LSM1: variants seen among roughly 807,000 people sequenced by gnomAD.
LSM1 encodes LSM1 homolog, mRNA degradation associated.
A neutral mutation model predicts 18.0 loss-of-function variants in LSM1; 13 were observed. The observed-to-expected ratio is 0.72, with a 90% CI of 0.47 to 1.15. The LOEUF (loss-of-function observed/expected upper bound fraction) is 1.15. LSM1 is among the 50% of genes most tolerant of loss of function. The probability of loss-of-function intolerance (pLI) is 0.00; values close to 1 mark genes in which losing one functional copy is unlikely to be tolerated. For synonymous variants in LSM1, 46 were observed against 56.0 expected, an observed-to-expected ratio of 0.82 and a Z score of 0.80; for missense variants, 152 against 157.7, an observed-to-expected ratio of 0.96 and a Z score of 0.19.
chr8:38,164,275 G>A (rs1162332356), intron 3 of LSM1, among the ~76,000 whole-genome samples: 2 of 152,058 alleles, frequency 1.3e-5, no homozygotes, highest in African/African-American at 4.8e-5. Flanking sequence ...GGCTGGTCTC[G>A]AAACCTGACC....
chr8:38,163,738 A>G lies in LSM1; in HGVS notation c.334T>C (p.Leu112=). 6.2e-7 allele frequency: 1 copy of G among 1,614,172 alleles called. No individual in the cohort carries two copies. The highest frequency in any genetic ancestry group is 2.2e-5 in the East Asian group (1 of 44,890). The part of the protein sequence containing the change: ...EQQTKLEAEK[L]KVQALKDRGL... ...CGGTCCTTCAGGGCCTGCACTTTCA[A>G]CTTCTCTGCTTCCAGCTTGGTCTGC... Residue 112 remains leucine (L), a synonymous_variant, in exon 4 of 4, where the codon TTG becomes CTG. Coordinates refer to ENST00000311351, the MANE Select transcript of LSM1 (RefSeq NM_014462.3).
chr8:38,163,979 G>A (rs1802884559), intron 3 of LSM1, 139 bp from the exon 4 acceptor site: 1 of 734,810 alleles, frequency 1.4e-6, no homozygotes, highest in Non-Finnish European at 2.2e-6. Context: ...TTCTCCTAGG[G>A]ACCGGTAAGT....
intron 3 of LSM1, 143 bp from the exon 4 acceptor site, chr8:38,163,983 G>A (rs997236025): frequency 9.6e-5 from 69 of 718,550 alleles, no homozygotes; most frequent in Non-Finnish European, 1.4e-4. Context: ...CCTAGGGACC[G>A]GTAAGTTTTT....
chr8:38,167,251 A>C lies in LSM1; in HGVS notation c.231+2551T>G, dbSNP rs565270638. ...ACACGTTCACCTCTTTCTCTGCACA[A>C]ACACACACATCTACTTAGATGTAAC... On this transcript the variant is annotated intron_variant, in intron 3 of 3. Transcript: ENST00000311351. Among the ~76,000 whole-genome samples the C allele has an allele frequency of 7.9e-5, 12 of 152,370 alleles. No homozygotes were observed. In the East Asian group the frequency reaches 2.3e-3, roughly 29 times the overall value.
In LSM1 at chr8:38,168,110, C is replaced by T. The variant is rs181492776; in HGVS notation, c.231+1692G>A. The stretch of plus-strand genomic sequence containing the variant: ...CCAAGTAGCTGGGACTACAGGCGCC[C>T]GCCACCACACCCGGCTAACTTTTTT... On this transcript the variant is annotated intron_variant, in intron 3 of 3. Transcript: ENST00000311351. Among the ~76,000 whole-genome samples, 10 of 151,722 alleles carry T rather than the reference C, an allele frequency of 6.6e-5. No individual in the cohort carries two copies. In the South Asian group the frequency reaches 8.3e-4, roughly 13 times the overall value.
chr8:38,163,695 C>G lies in LSM1; in HGVS notation c.377G>C (p.Arg126Pro). 6.2e-7 allele frequency: 1 copy of G among 1,614,130 alleles called. No individual in the cohort carries two copies. Among genetic ancestry groups the G allele is most frequent in the Non-Finnish European group, 8.5e-7 (1 of 1,180,016 alleles). The change falls in exon 4 of 4, where the codon CGA becomes CCA. Residue 126 changes from arginine to proline, a missense_variant. Coordinates refer to ENST00000311351, the MANE Select transcript of LSM1 (RefSeq NM_014462.3). The stretch of plus-strand genomic sequence containing the variant: ...TTAGTACTCATCAAGAGTATCTGCT[C>G]GAGGAATGGAAAGACCTCGGTCCTT... ...ALKDRGLSIP[R>P]ADTLDEY is the part of the protein sequence containing the mutation.
intron 3 of LSM1, among the ~76,000 whole-genome samples, chr8:38,164,362 T>C (rs2130636333): frequency 6.6e-6 from 1 of 152,252 alleles, no homozygotes; most frequent in Non-Finnish European, 1.5e-5. Flanking sequence ...CAGAGCTTTA[T>C]GTGATCCAAA....
chr8:38,167,557 T>C (rs1415207531), intron 3 of LSM1, among the ~76,000 whole-genome samples: 1 of 152,150 alleles, frequency 6.6e-6, no homozygotes, highest in Non-Finnish European at 1.5e-5. Flanking sequence ...TTGCCCAGGC[T>C]GGTCTCTTGC....
At position 38,163,636 on chromosome 8, in the gene LSM1, A is replaced by AC; in HGVS notation, c.*33dup. 6.2e-7 allele frequency: 1 copy of AC among 1,604,640 alleles called. No homozygotes were observed. Among genetic ancestry groups the AC allele is most frequent in the Non-Finnish European group, 8.5e-7 (1 of 1,172,578 alleles). ...TCACTTTCACTCAGTGACAGCCCCT[A>AC]CTCTTCAAGAGCCAACAGCCTCTGG... is the stretch of plus-strand genomic sequence containing the variant. On this transcript the variant is annotated 3_prime_UTR_variant, in exon 4 of 4. Transcript: ENST00000311351.
At position 38,163,562 on chromosome 8, in the gene LSM1, T is replaced by C. The variant is rs1802877041; in HGVS notation, c.*108A>G. On this transcript the variant is annotated 3_prime_UTR_variant, in exon 4 of 4. Transcript: ENST00000311351. The stretch of plus-strand genomic sequence containing the variant: ...TAAAATAATTAAAAATAAAAGTGAC[T>C]TTTCAAAACTCTACAGTCTGTGATC... The C allele has an allele frequency of 1.0e-6, 1 of 960,804 alleles. No homozygotes were observed. Among genetic ancestry groups the C allele is most frequent in the East Asian group, 2.6e-5 (1 of 38,608 alleles). 59.5% of individuals were successfully genotyped at this position (960,804 alleles called of 1,614,324 possible).
At chr8:38,165,339 G>A (rs1449481186) in intron 3 of LSM1, among the ~76,000 whole-genome samples, 2 of 150,470 alleles carry the variant, frequency 1.3e-5, no homozygotes, top group Non-Finnish European at 3.0e-5. Context: ...GGTGACAAGA[G>A]TAAAACTCCA....
chr8:38,170,632 G>A (rs1050321148), intron 2 of LSM1, among the ~76,000 whole-genome samples: 1 of 152,126 alleles, frequency 6.6e-6, no homozygotes, highest in Admixed American at 6.6e-5. Context: ...TGTATGTGAT[G>A]ATCTGCTGAA....
intron 3 of LSM1, chr8:38,166,200 T>G (rs1307887785): frequency 6.6e-6 from 1 of 152,256 alleles, no homozygotes; most frequent in Non-Finnish European, 1.5e-5. Context: ...CACCATGATC[T>G]GAAACTCTTG....
chr8:38,165,175 C>G (rs1802908377), intron 3 of LSM1, among the ~76,000 whole-genome samples: 1 of 59,954 alleles, frequency 1.7e-5, no homozygotes, highest in Non-Finnish European at 3.2e-5. Flanking sequence ...ATGGCAAAAC[C>G]CCCGTCTCTA....
chr8:38,166,449 C>T (rs1412098061), intron 3 of LSM1, among the ~76,000 whole-genome samples: 3 of 152,284 alleles, frequency 2.0e-5, no homozygotes, highest in African/African-American at 7.2e-5. Flanking sequence ...AAGAACCTTG[C>T]TAAAAAAGTA....
intron 1 of LSM1, chr8:38,176,027 T>C: frequency 2.3e-6 from 1 of 425,986 alleles, no homozygotes. Context: ...AAGAATGAGT[T>C]CCATCGCTTG....
chr8:38,163,735 T>G lies in LSM1; in HGVS notation c.337A>C (p.Lys113Gln), dbSNP rs780355621. ...QQTKLEAEKL[K>Q]VQALKDRGLS... is the part of the protein sequence containing the mutation. ...CCTCGGTCCTTCAGGGCCTGCACTT[T>G]CAACTTCTCTGCTTCCAGCTTGGTC... Residue 113 changes from lysine (K) to glutamine (Q), a missense_variant, in exon 4 of 4, where the codon AAA becomes CAA. Lys to Gln is a moderately conservative substitution (Grantham distance 53). Transcript: ENST00000311351. 3 of 1,614,134 alleles carry G rather than the reference T, an allele frequency of 1.9e-6. No homozygotes were observed. In the Admixed American group the frequency reaches 5.0e-5, roughly 27 times the overall value.
At chr8:38,166,121 T>A (rs1454841831) in intron 3 of LSM1, 1 of 152,252 alleles carries the variant, frequency 6.6e-6, no homozygotes, top group Non-Finnish European at 1.5e-5. Flanking sequence ...GTGAGCACAT[T>A]TTTCATTTTT....
At chr8:38,174,011 A>T (rs1356250254) in intron 1 of LSM1, among the ~76,000 whole-genome samples, 2 of 152,224 alleles carry the variant, frequency 1.3e-5, no homozygotes, top group Non-Finnish European at 1.5e-5. Context: ...TGGGGAGAGT[A>T]TCACAGTGCT....
Sources: allele counts gnomAD v4.1 joint callset (sites outside exome capture counted in the v4.1 genomes callset), GRCh38; gene constraint gnomAD v4.1.1; transcripts MANE v1.5; gene names NCBI Gene and HGNC (gene_info 2026-07-23, HGNC 2026-07-21).